PGAP6: variants seen among roughly 807,000 people sequenced by gnomAD.
The protein encoded by PGAP6 is post-GPI attachment to proteins factor 6.
A neutral mutation model predicts 68.4 loss-of-function variants in PGAP6; 62 were observed. That is an observed-to-expected ratio of 0.91 (90% CI 0.74 to 1.12). The LOEUF (loss-of-function observed/expected upper bound fraction) is 1.12, where lower values mean the gene tolerates loss of function less well. Among genes scored for constraint, PGAP6 ranks in the 50% most tolerant of loss-of-function variants. The pLI is 0.00. For synonymous variants in PGAP6, 575 were observed against 474.0 expected, an observed-to-expected ratio of 1.21 and a Z score of -2.77; for missense variants, 1,188 against 1,068.5, an observed-to-expected ratio of 1.11 and a Z score of -1.56.
At chr16:374,511 GT>G in intron 9 of PGAP6, 112 bp from the exon 10 acceptor site, 2 of 1,287,792 alleles carry the variant, frequency 1.6e-6, no homozygotes, top group Non-Finnish European at 2.1e-6. Context: ...AGCAAGCAGG[GT>G]AGGCACGGCG....
Position 376,179 on chromosome 16 carries a change from A to C in PGAP6, c.1181T>G (p.Met394Arg). 6.2e-7 allele frequency: 1 copy of C among 1,611,954 alleles called. No individual in the cohort carries two copies. The highest frequency in any genetic ancestry group is 1.1e-5 in the South Asian group (1 of 91,066). Residue 394 changes from methionine to arginine, a missense_variant, in exon 6 of 13, where the codon ATG becomes AGG. By Grantham distance (91) the Met-to-Arg change is moderately conservative. Coordinates refer to ENST00000431232, the MANE Select transcript of PGAP6 (RefSeq NM_021259.3). ...GATGGTGAGGGAACCCCCGCTGTCC[A>C]TGCCGGTGTTCAGGCGCAGCCGCAT... ...SVMRLRLNTG[M>R]DSGGSLTISL...
In PGAP6 at chr16:381,726, G is replaced by A; in HGVS notation, c.96C>T (p.Ala32=). The change falls in exon 1 of 13, where the codon GCC becomes GCT. Residue 32 remains alanine, a synonymous_variant. Transcript: ENST00000431232. ...LLLLLARPPP[A]SAGYSGKSEV... The stretch of plus-strand genomic sequence containing the variant: ...CGCTCTTCCCGCTGTAGCCGGCGGA[G>A]GCAGGCGGGGGCCGGGCAAGCAGCA... The A allele has an allele frequency of 4.1e-6, 5 of 1,211,866 alleles. No individual in the cohort carries two copies. The highest frequency in any genetic ancestry group is 5.1e-6 in the Non-Finnish European group (5 of 974,440). 75.1% of individuals were successfully genotyped at this position (1,211,866 alleles called of 1,614,324 possible). A position where few individuals can be genotyped will look rare whatever the true frequency, so the allele number is the denominator to read the frequency against.
At chr16:386,746 A>T (rs775830863), upstream of PGAP6, 5 of 448,346 alleles carry the variant, frequency 1.1e-5, no homozygotes, top group South Asian at 8.6e-5. Flanking sequence ...AAAAAAAAAA[A>T]TTGGCCTTTT....
intron 3 of PGAP6, 82 bp downstream of exon 3, chr16:377,296 A>G (rs576093154): frequency 6.4e-7 from 1 of 1,564,590 alleles, no homozygotes; most frequent in East Asian, 2.3e-5. Flanking sequence ...TAGAGCGAGG[A>G]CCACCCCAAA....
At chr16:380,372 C>CT (rs35957500) in intron 1 of PGAP6, among the ~76,000 whole-genome samples, 8,650 of 144,792 alleles carry the variant, frequency 0.06, 607 homozygotes, top group African/African-American at 0.16. Flanking sequence ...TTCTGTCTTT[C>CT]TTTTTTTTTT....
In PGAP6 at chr16:376,548, G is replaced by C; in HGVS notation, c.900C>G (p.Leu300=). The part of the protein sequence containing the change: ...GTVAFSAVAA[L]TACRPRSVTI... ...TCCAGCCCTTGTGCGGCCCACCTGTGAGGGCAGCTACAGCACTGAAAGCCA... is the reference window on the plus strand; with the variant it reads ...TCCAGCCCTTGTGCGGCCCACCTGTCAGGGCAGCTACAGCACTGAAAGCCA... Residue 300 remains leucine, a synonymous_variant, in exon 5 of 13, where the codon CTC becomes CTG. Coordinates refer to ENST00000431232, the MANE Select transcript of PGAP6 (RefSeq NM_021259.3). 1 of 1,546,066 alleles carries C rather than the reference G, an allele frequency of 6.5e-7. No homozygotes were observed. The highest frequency in any genetic ancestry group is 1.2e-5 in the South Asian group (1 of 80,480).
rs764570196 is a variant in PGAP6, at chr16:376,816, C to T, written c.636-4G>A. ...CGTGTAATCGGGGACAAAGACCCTGCAGCGAGGGGACACAGCTGGCTCAGG... is the reference window on the plus strand; with the variant it reads ...CGTGTAATCGGGGACAAAGACCCTGTAGCGAGGGGACACAGCTGGCTCAGG... On this transcript the variant is annotated splice_region_variant and splice_polypyrimidine_tract_variant and intron_variant, in intron 4 of 12. Transcript: ENST00000431232. 15 of 1,603,304 alleles carry T rather than the reference C, an allele frequency of 9.4e-6. No homozygotes were observed. Among genetic ancestry groups the T allele is most frequent in the Non-Finnish European group, 1.3e-5 (15 of 1,179,788 alleles).
upstream of PGAP6, chr16:382,081 G>T: frequency 2.9e-6 from 1 of 348,046 alleles, no homozygotes; most frequent in Non-Finnish European, 4.8e-6. Context: ...GGGTCACGTG[G>T]GGCGCCGGTA....
chr16:376,490 G>C (rs773928721), intron 5 of PGAP6, 35 bp from the exon 6 acceptor site: 1 of 1,546,176 alleles, frequency 6.5e-7, no homozygotes, highest in Non-Finnish European at 8.7e-7. Context: ...CTGGAGGAAA[G>C]TCTGGGGATC....
intron 6 of PGAP6, among the ~76,000 whole-genome samples, chr16:375,654 C>T (rs2054376118): frequency 6.6e-6 from 1 of 152,142 alleles, no homozygotes. Context: ...GCCTCAGCCT[C>T]CCGAGTAGCT....
In PGAP6 at chr16:375,325, G is replaced by A. The variant is rs189103366; in HGVS notation, c.1315+20C>T. On this transcript the variant is annotated intron_variant, in intron 7 of 12. Transcript: ENST00000431232. The stretch of plus-strand genomic sequence containing the variant: ...GGGGCTGGCCGGGGCCACGCTGACG[G>A]TGACGCCTGCCCATCATACCTGTGG... 917 of 1,612,760 alleles carry A rather than the reference G, an allele frequency of 5.7e-4. 7 individuals carry two copies. The African/African-American group carries it at 0.011, about 19-fold the overall frequency.
At chr16:383,071 G>T (rs547392408), upstream of PGAP6, among the ~76,000 whole-genome samples, 1 of 152,104 alleles carries the variant, frequency 6.6e-6, no homozygotes, top group East Asian at 1.9e-4. Flanking sequence ...AGCCGAGATC[G>T]CGCCACCGCA....
intron 12 of PGAP6, 72 bp downstream of exon 12, chr16:372,539 T>G: frequency 7.9e-7 from 1 of 1,258,000 alleles, no homozygotes; most frequent in East Asian, 2.3e-5. Context: ...ACCAGGAACG[T>G]GGCTAGAGCA....
rs1219672155 is a variant in PGAP6, at chr16:374,016, C to G, written c.1891G>C (p.Val631Leu). Residue 631 changes from valine to leucine, a missense_variant, in exon 11 of 13, where the codon GTC becomes CTC. By Grantham distance (32) the Val-to-Leu change is conservative. Transcript: ENST00000431232. ...CGAGGGCCACTCACGTATTTCAGGA[C>G]TGTCTTGAGCCGTGCCATGCACAGG... ...TILCMARLKT[V>L]LKYVLFLLGT... 6.2e-7 allele frequency: 1 copy of G among 1,609,116 alleles called. No individual in the cohort carries two copies. The highest frequency in any genetic ancestry group is 8.5e-7 in the Non-Finnish European group (1 of 1,178,982).
rs750016988 is a variant in PGAP6, at chr16:377,581, A to C, written c.304T>G (p.Phe102Val). The change falls in exon 3 of 13, where the codon TTC becomes GTC. Residue 102 changes from phenylalanine to valine, a missense_variant. Coordinates refer to ENST00000431232, the MANE Select transcript of PGAP6 (RefSeq NM_021259.3). The stretch of plus-strand genomic sequence containing the variant: ...ATGACCGGAGGGGCGCCGGAACGGA[A>C]GTGCCTGGAGACGGGAGAGCAGCAC... ...ACTDAEITVH[F>V]RSGAPPVINP... The C allele has an allele frequency of 6.4e-7, 1 of 1,574,790 alleles. No homozygotes were observed. The highest frequency in any genetic ancestry group is 1.2e-5 in the South Asian group (1 of 86,648).
At chr16:372,801 C>T (rs780144046) in intron 11 of PGAP6, 74 bp from the exon 12 acceptor site, 23 of 1,069,228 alleles carry the variant, frequency 2.2e-5, no homozygotes, top group Admixed American at 8.0e-5. Flanking sequence ...GCGTACCCCA[C>T]GGCCCCACAG....
intron 6 of PGAP6, 144 bp from the exon 7 acceptor site, chr16:375,579 C>T: frequency 5.7e-6 from 4 of 700,866 alleles, no homozygotes; most frequent in Non-Finnish European, 4.8e-6. Context: ...GTCGCCCAGG[C>T]TGGAGGGCAG....
chr16:376,067 A>G, intron 6 of PGAP6, 69 bp downstream of exon 6: 1 of 1,444,446 alleles, frequency 6.9e-7, no homozygotes, highest in Non-Finnish European at 9.3e-7. Flanking sequence ...GTAAATGAGG[A>G]GGCGCTGCAG....
At chr16:376,108 C>A in intron 6 of PGAP6, 28 bp downstream of exon 6, 2 of 1,574,624 alleles carry the variant, frequency 1.3e-6, no homozygotes, top group East Asian at 2.3e-5. Context: ...CGAGCCCAGG[C>A]CACAGGCCGC....
Sources: allele counts gnomAD v4.1 joint callset (sites outside exome capture counted in the v4.1 genomes callset), GRCh38; gene constraint gnomAD v4.1.1; transcripts MANE v1.5; gene names NCBI Gene and HGNC (gene_info 2026-07-23, HGNC 2026-07-21).